The following CDH11 variants were observed in gnomAD, a reference collection of about 807,000 sequenced individuals.
CDH11 encodes cadherin-11.
Under a neutral mutation model 67.8 loss-of-function variants are expected in CDH11, and 11 were observed. That is an observed-to-expected ratio of 0.16 (90% CI 0.10 to 0.27). CDH11 has a LOEUF of 0.27. CDH11 is among the 10% of genes least tolerant of loss of function. The pLI is 1.00. For synonymous variants in CDH11, 419 were observed against 400.0 expected (o/e 1.05, Z -0.57); for missense variants, 847 against 1,031.2 (o/e 0.82, Z 2.45).
intron 2 of CDH11, among the ~76,000 whole-genome samples, chr16:65,020,697 TA>T (rs757913845): frequency 4.6e-5 from 7 of 152,192 alleles, no homozygotes; most frequent in African/African-American, 9.7e-5. Context: ...AAAGGTATTA[TA>T]ATTTCCATTT....
At chr16:65,067,995 G>A (rs1409450134) in intron 1 of CDH11, among the ~76,000 whole-genome samples, 1 of 58,552 alleles carries the variant, frequency 1.7e-5, no homozygotes, top group African/African-American at 4.5e-5. Flanking sequence ...AGGGAGGGAG[G>A]GAAGAAGGGA....
At chr16:64,963,231 G>T (rs957936420) in intron 11 of CDH11, among the ~76,000 whole-genome samples, 4 of 152,140 alleles carry the variant, frequency 2.6e-5, no homozygotes, top group African/African-American at 9.7e-5. Context: ...GAACAGATGG[G>T]CAATGTAAGC....
At chr16:65,034,951 C>A (rs557955786) in intron 2 of CDH11, among the ~76,000 whole-genome samples, 2 of 152,316 alleles carry the variant, frequency 1.3e-5, no homozygotes, top group Non-Finnish European at 2.9e-5. Context: ...AAGTCCCCCT[C>A]GACCCTCGAG....
In CDH11 at chr16:64,945,702, C is replaced by A. The variant is rs1190527737; in HGVS notation, c.*1901G>T. 41 of 1,040,650 alleles carry A rather than the reference C, an allele frequency of 3.9e-5. No individual in the cohort carries two copies. Among genetic ancestry groups the A allele is most frequent in the South Asian group, 2.8e-4 (6 of 21,786 alleles). 64.5% of individuals were successfully genotyped at this position (1,040,650 alleles called of 1,614,324 possible). A position where few individuals can be genotyped will look rare whatever the true frequency, so the allele number is the denominator to read the frequency against. ...AAATGTATTCCATTGAAGTGTTCAG[C>A]CCAATTTGATTTCAATGCAAAGTAA... On this transcript the variant is annotated 3_prime_UTR_variant, in exon 13 of 13. Transcript: ENST00000268603.
chr16:65,108,284 A>G (rs2075099797), intron 1 of CDH11, among the ~76,000 whole-genome samples: 1 of 152,156 alleles, frequency 6.6e-6, no homozygotes, highest in South Asian at 2.1e-4. Context: ...GACTTGCTGA[A>G]GTTGAAGATT....
At chr16:65,043,427 T>A (rs887899175) in intron 2 of CDH11, among the ~76,000 whole-genome samples, 1 of 152,066 alleles carries the variant, frequency 6.6e-6, no homozygotes, top group African/African-American at 2.4e-5. Flanking sequence ...AAAGAGAAGA[T>A]GTGTGATGCA....
intron 1 of CDH11, among the ~76,000 whole-genome samples, chr16:65,074,091 A>C (rs1291885666): frequency 6.6e-6 from 1 of 152,246 alleles, no homozygotes; most frequent in African/African-American, 2.4e-5. Flanking sequence ...AATCAAACAA[A>C]TAGAATAAAG....
chr16:65,122,409 G>A, upstream of CDH11: 1 of 186,166 alleles, frequency 5.4e-6, no homozygotes, highest in Non-Finnish European at 1.1e-5. Flanking sequence ...GCCAATCAGG[G>A]AGGGCGGCGG....
Position 64,972,057 on chromosome 16 carries a change from C to T in CDH11, c.1398G>A (p.Arg466=). 6.2e-7 allele frequency: 1 copy of T among 1,613,464 alleles called. No homozygotes were observed. The highest frequency in any genetic ancestry group is 1.7e-4 in the Middle Eastern group (1 of 6,054). ...CCACTGGGACTTTGGCTTCCTGATG[C>T]CGATTGTCTGGGAAGACAGAATGCA... ...ITVFAAEIHN[R]HQEAKVPVAI... is the part of the protein sequence containing the mutation. Residue 466 remains arginine, a synonymous_variant, in exon 10 of 13, where the codon CGG becomes CGA. Transcript: ENST00000268603.
chr16:64,986,335 T>C (rs2072486831), intron 7 of CDH11: 1 of 152,096 alleles, frequency 6.6e-6, no homozygotes, highest in Non-Finnish European at 1.5e-5. Flanking sequence ...ATAAACACAC[T>C]GAATTGGAGG....
intron 2 of CDH11, among the ~76,000 whole-genome samples, chr16:65,028,423 T>A (rs912850561): frequency 5.3e-5 from 8 of 152,084 alleles, no homozygotes; most frequent in Non-Finnish European, 1.0e-4. Flanking sequence ...TTTTTTGGAC[T>A]GACACAGATC....
chr16:64,962,284 G>C lies in CDH11; in HGVS notation c.1642+9295C>G, dbSNP rs149316575. On this transcript the variant is annotated intron_variant, in intron 11 of 12. Transcript: ENST00000268603. ...AGTCTGATACATAAGAAGCTTGGAA[G>C]TCACCTCTCCATCCAAATAAAAAAA... Among the ~76,000 whole-genome samples the C allele has an allele frequency of 3.7e-3, 563 of 152,198 alleles. 5 individuals carry two copies. Among genetic ancestry groups the C allele is most frequent in the African/African-American group, 0.013 (535 of 41,544 alleles).
chr16:65,111,855 A>G (rs995582937), intron 1 of CDH11, among the ~76,000 whole-genome samples: 1 of 152,040 alleles, frequency 6.6e-6, no homozygotes, highest in African/African-American at 2.4e-5. Flanking sequence ...GTGGATCACA[A>G]GGTCAGGAGT....
chr16:65,014,052 T>A (rs1215685618), intron 2 of CDH11, among the ~76,000 whole-genome samples: 2 of 152,142 alleles, frequency 1.3e-5, no homozygotes, highest in African/African-American at 4.8e-5. Flanking sequence ...AGTTAAGAGT[T>A]TTGTTTATTC....
chr16:65,076,785 T>C (rs4393595), intron 1 of CDH11, among the ~76,000 whole-genome samples: 39,206 of 151,480 alleles, frequency 0.26, 5,736 homozygotes, highest in Middle Eastern at 0.36. Context: ...GGTGCTTGGT[T>C]TTCTGTTCCT....
chr16:65,059,915 C>G (rs1287482139), intron 1 of CDH11, among the ~76,000 whole-genome samples: 1 of 152,194 alleles, frequency 6.6e-6, no homozygotes, highest in African/African-American at 2.4e-5. Flanking sequence ...TATGAGCAAA[C>G]CTCCTACTAC....
intron 2 of CDH11, among the ~76,000 whole-genome samples, chr16:65,012,375 G>A (rs937319138): frequency 6.6e-5 from 10 of 152,144 alleles, no homozygotes; most frequent in Non-Finnish European, 1.5e-4. Flanking sequence ...CGAGGAGGTG[G>A]GTGAATCAGA....
At chr16:64,992,091 T>C (rs932919873) in intron 5 of CDH11, among the ~76,000 whole-genome samples, 156 bp from the exon 6 acceptor site, 2 of 152,262 alleles carry the variant, frequency 1.3e-5, no homozygotes, top group East Asian at 3.8e-4. Flanking sequence ...GCAGCCATAC[T>C]GAAGCATCAT....
chr16:64,957,112 G>A (rs2071535092), intron 11 of CDH11, among the ~76,000 whole-genome samples: 1 of 152,168 alleles, frequency 6.6e-6, no homozygotes, highest in Admixed American at 6.6e-5. Context: ...CATGGTGTCA[G>A]GAGAGAGGCT....
Sources: allele counts gnomAD v4.1 joint callset (sites outside exome capture counted in the v4.1 genomes callset), GRCh38; gene constraint gnomAD v4.1.1; transcripts MANE v1.5; gene names NCBI Gene and HGNC (gene_info 2026-07-23, HGNC 2026-07-21).